Variants in ODF2 observed in about 807,000 individuals in gnomAD.
The protein encoded by ODF2 is outer dense fiber of sperm tails 2, also known as outer dense fiber protein 2.
Under a neutral mutation model 110.2 loss-of-function variants are expected in ODF2, and 47 were observed. The ratio of observed to expected loss-of-function variants is 0.43; its 90% CI spans 0.34 to 0.54. The LOEUF (loss-of-function observed/expected upper bound fraction) is 0.54, where lower values mean the gene tolerates loss of function less well. Among genes scored for constraint, ODF2 ranks in the 20% least tolerant of loss-of-function variants. The probability of loss-of-function intolerance (pLI) is 0.03; values close to 1 mark genes in which losing one functional copy is unlikely to be tolerated. For missense variants in ODF2, 812 were observed against 1,054.5 expected (o/e 0.77, Z 3.19); for synonymous variants, 352 against 397.7 (o/e 0.89, Z 1.37).
intron 10 of ODF2, among the ~76,000 whole-genome samples, chr9:128,483,580 C>CAAAA (rs146802585): frequency 9.3e-6 from 1 of 107,272 alleles, no homozygotes. Context: ...TACCCTGTCT[C>CAAAA]AAAAAAAAAA....
rs16930407 is a variant in ODF2, at chr9:128,472,583, G to C, written c.582-330G>C. 9.5e-3 allele frequency among the ~76,000 whole-genome samples: 1,452 copies of C among 152,208 alleles called. 31 individuals are homozygous for C. Among genetic ancestry groups the C allele is most frequent in the East Asian group, 0.072 (373 of 5,154 alleles). On this transcript the variant is annotated intron_variant, in intron 6 of 20. Coordinates refer to ENST00000604420, the Ensembl canonical transcript of ODF2. ...CTGCAGTGTAGAGAAGAGGTAGAAG[G>C]GCTCAAAATCGTATCTGAAGATGGT...
Position 128,481,663 on chromosome 9 carries a change from T to C in ODF2, c.915+12T>C. ...ACTCAGAGAAAGCGGTAACTAAGGC[T>C]GCCCTTGTCTACTCTAGTGGGTACA... On this transcript the variant is annotated intron_variant, in intron 9 of 20. Transcript: ENST00000604420. 1 of 1,611,354 alleles carries C rather than the reference T, an allele frequency of 6.2e-7. No homozygotes were observed. Among genetic ancestry groups the C allele is most frequent in the Non-Finnish European group, 8.5e-7 (1 of 1,177,816 alleles).
chr9:128,466,994 AAAAAAAAAAAAAAAAAAAAAATATATAT>A (rs1838140388), intron 4 of ODF2, among the ~76,000 whole-genome samples: 1 of 53,644 alleles, frequency 1.9e-5, no homozygotes, highest in East Asian at 5.8e-4. Flanking sequence ...AAAAAAAAAA[AAAAAAAAAAAAAAAAAAAAAATATATAT>A]ATATATATAT....
exon 21 of ODF2, chr9:128,500,076 C>T (rs777708673): frequency 2.8e-5 from 46 of 1,614,118 alleles, no homozygotes; most frequent in East Asian, 8.9e-5. Flanking sequence ...GGCGGACCGC[C>T]GCTACCAGAG....
chr9:128,461,145 G>C, intron 4 of ODF2, 78 bp downstream of exon 4: 3 of 1,540,234 alleles, frequency 1.9e-6, no homozygotes, highest in Non-Finnish European at 2.6e-6. Context: ...ATGATTCAGG[G>C]TCAGCTATAG....
rs767373411 is a variant in ODF2, at chr9:128,481,556, T to C, written c.844-24T>C. 6 of 1,598,960 alleles carry C rather than the reference T, an allele frequency of 3.8e-6. No homozygotes were observed. The East Asian group carries it at 1.3e-4, about 36-fold the overall frequency. ...TGGGTTTATTGCTTAATGACTTGAC[T>C]TTTTCCTTTGCCTTTCTTTGAAGGA... On this transcript the variant is annotated intron_variant, in intron 8 of 20. Coordinates refer to ENST00000604420, the Ensembl canonical transcript of ODF2.
At chr9:128,481,374 G>A (rs1161809828) in intron 8 of ODF2, among the ~76,000 whole-genome samples, 1 of 152,036 alleles carries the variant, frequency 6.6e-6, no homozygotes, top group East Asian at 1.9e-4. Flanking sequence ...CTACTTTGGA[G>A]GCTGAGATGG....
At chr9:128,464,157 T>A (rs1376557420) in intron 4 of ODF2, among the ~76,000 whole-genome samples, 1 of 78,028 alleles carries the variant, frequency 1.3e-5, no homozygotes, top group Non-Finnish European at 2.5e-5. Context: ...CAAAAATGCC[T>A]TTTTTTTTTT....
Position 128,469,157 on chromosome 9 carries a change from A to G in ODF2, c.250-26A>G, listed in dbSNP as rs144566450. The stretch of plus-strand genomic sequence containing the variant: ...GGTCAAGGTTCTGCCTTCTGAGTTC[A>G]TGTGTTTCTCCCTCCTCTACATCAG... On this transcript the variant is annotated intron_variant, in intron 4 of 20. Transcript: ENST00000604420. The G allele has an allele frequency of 7.9e-3, 12,690 of 1,608,520 alleles. 66 individuals are homozygous for G. Among genetic ancestry groups the G allele is most frequent in the Middle Eastern group, 0.012 (71 of 5,700 alleles).
rs180830112 is a variant in ODF2, at chr9:128,459,597, G to A, written c.63G>A (p.Thr21=). ...CATCGTGTGGGAAGAACGGAGTAAC[G>A]AGTCTCACGCAGAAAAAGGTCTTGA... The change falls in exon 3 of 21, where the codon ACG becomes ACA. Residue 21 remains threonine, a synonymous_variant. Coordinates refer to ENST00000604420, the Ensembl canonical transcript of ODF2. 16 of 1,613,966 alleles carry A rather than the reference G, an allele frequency of 9.9e-6. No homozygotes were observed. The African/African-American group carries it at 1.3e-4, about 13-fold the overall frequency.
chr9:128,498,418 T>C (rs1449565965), exon 19 of ODF2: 1 of 1,589,872 alleles, frequency 6.3e-7, no homozygotes, highest in African/African-American at 1.3e-5. Flanking sequence ...CCTAGGAAAC[T>C]GGAGGCGACC....
chr9:128,474,924 A>G (rs2131837006), intron 8 of ODF2, among the ~76,000 whole-genome samples: 1 of 152,096 alleles, frequency 6.6e-6, no homozygotes, highest in South Asian at 2.1e-4. Flanking sequence ...AGATTGTGCC[A>G]TTGCACTCCA....
Position 128,498,396 on chromosome 9 carries a change from T to C in ODF2, c.2013-17T>C, listed in dbSNP as rs750609208. ...GGTTGGGGTATGCCCAGGATCTGATTGAGTGCTTTCACCTAGGAAACTGGA... is the reference window on the plus strand; with the variant it reads ...GGTTGGGGTATGCCCAGGATCTGATCGAGTGCTTTCACCTAGGAAACTGGA... On this transcript the variant is annotated splice_polypyrimidine_tract_variant and intron_variant, in intron 18 of 20. Coordinates refer to ENST00000604420, the Ensembl canonical transcript of ODF2. The C allele has an allele frequency of 3.8e-6, 6 of 1,562,510 alleles. No individual in the cohort carries two copies. The East Asian group carries it at 6.9e-5, about 18-fold the overall frequency.
chr9:128,467,175 C>T (rs1031569898), intron 4 of ODF2, among the ~76,000 whole-genome samples: 4 of 150,280 alleles, frequency 2.7e-5, no homozygotes, highest in African/African-American at 9.8e-5. Flanking sequence ...AAGCCTGCTA[C>T]ACACCTGGGC....
At chr9:128,465,856 A>C (rs1837718735) in intron 4 of ODF2, among the ~76,000 whole-genome samples, 1 of 151,460 alleles carries the variant, frequency 6.6e-6, no homozygotes, top group African/African-American at 2.4e-5. Context: ...TGAAAAGTAC[A>C]GGCCCAGGAG....
At chr9:128,497,242 T>C (rs1845694170) in intron 18 of ODF2, among the ~76,000 whole-genome samples, 1 of 150,784 alleles carries the variant, frequency 6.6e-6, no homozygotes. Context: ...TGGCAAAGCA[T>C]GACTTAGACC....
exon 1 of ODF2, chr9:128,456,220 A>G: frequency 6.5e-7 from 1 of 1,547,084 alleles, no homozygotes; most frequent in African/African-American, 1.4e-5. Flanking sequence ...ACGACTTCAT[A>G]AGGCGGCGTT....
intron 8 of ODF2, 97 bp from the exon 9 acceptor site, chr9:128,481,483 A>G (rs1371079815): frequency 9.7e-7 from 1 of 1,025,696 alleles, no homozygotes; most frequent in Non-Finnish European, 1.4e-6. Context: ...AAAAAAAAAA[A>G]AAATACAATT....
In ODF2 at chr9:128,476,365, G is replaced by A. The variant is rs140530524; in HGVS notation, c.843+2624G>A. On this transcript the variant is annotated intron_variant, in intron 8 of 20. Transcript: ENST00000604420. ...TGCAATGGCACAGTCTTGGCTCACT[G>A]TAACCTCCACCTCCTGGGTTCAAGT... Among the ~76,000 whole-genome samples the A allele has an allele frequency of 5.2e-3, 789 of 152,192 alleles. 3 individuals carry two copies. The highest frequency in any genetic ancestry group is 0.017 in the African/African-American group (720 of 41,540).
Sources: allele counts gnomAD v4.1 joint callset (sites outside exome capture counted in the v4.1 genomes callset), GRCh38; gene constraint gnomAD v4.1.1; transcripts MANE v1.5; gene names NCBI Gene and HGNC (gene_info 2026-07-23, HGNC 2026-07-21).